The following EPHA4 variants were observed in gnomAD, a reference collection of about 807,000 sequenced individuals.
The protein encoded by EPHA4 is EPH receptor A4.
In EPHA4, 19 loss-of-function variants were observed where a neutral mutation model predicts 108.3. The ratio of observed to expected loss-of-function variants is 0.18; its 90% CI spans 0.12 to 0.26. The LOEUF (loss-of-function observed/expected upper bound fraction) is 0.26. EPHA4 is among the 10% of genes least tolerant of loss of function. The pLI, the probability that EPHA4 is intolerant of heterozygous loss-of-function variation, is 1.00. For missense variants in EPHA4, 917 were observed against 1,254.0 expected (o/e 0.73, Z 4.06); for synonymous variants, 449 against 455.5 (o/e 0.99, Z 0.18).
chr2:221,538,697 A>G (rs775848822), intron 3 of EPHA4, among the ~76,000 whole-genome samples: 6 of 152,190 alleles, frequency 3.9e-5, no homozygotes, highest in Non-Finnish European at 5.9e-5. Context: ...ATTCAGACTC[A>G]ATTACTCTTT....
intron 3 of EPHA4, among the ~76,000 whole-genome samples, chr2:221,535,714 C>T (rs574678478): frequency 1.1e-4 from 16 of 152,156 alleles, no homozygotes; most frequent in African/African-American, 3.9e-4. Context: ...TTCTTCTATG[C>T]CTAAAGTGGT....
At chr2:221,564,659 G>A (rs1018277465) in intron 2 of EPHA4, among the ~76,000 whole-genome samples, 4 of 151,736 alleles carry the variant, frequency 2.6e-5, no homozygotes, top group African/African-American at 9.7e-5. Flanking sequence ...TGAGTTCTCG[G>A]CAGTTCCTTG....
intron 14 of EPHA4, among the ~76,000 whole-genome samples, chr2:221,433,886 A>C (rs779235477): frequency 6.6e-6 from 1 of 152,230 alleles, no homozygotes; most frequent in Non-Finnish European, 1.5e-5. Context: ...TAAAAATACT[A>C]TCCCATATTT....
chr2:221,497,790 T>C (rs566671755), intron 4 of EPHA4, among the ~76,000 whole-genome samples: 1 of 152,256 alleles, frequency 6.6e-6, no homozygotes, highest in Admixed American at 6.5e-5. Flanking sequence ...CTTGAAGTAG[T>C]AAAGTGTAGG....
intron 3 of EPHA4, among the ~76,000 whole-genome samples, chr2:221,531,839 G>A (rs909592107): frequency 6.6e-6 from 1 of 152,004 alleles, no homozygotes; most frequent in Non-Finnish European, 1.5e-5. Context: ...GTTTTTGTGC[G>A]AAGGCCATGA....
chr2:221,430,223 G>A, intron 14 of EPHA4, 72 bp from the exon 15 acceptor site: 1 of 1,468,688 alleles, frequency 6.8e-7, no homozygotes, highest in Middle Eastern at 2.5e-4. Flanking sequence ...CTTCCGACTG[G>A]CATGTTTCTT....
At chr2:221,566,923 AAGG>A (rs1471989277) in intron 2 of EPHA4, among the ~76,000 whole-genome samples, 2 of 58,700 alleles carry the variant, frequency 3.4e-5, no homozygotes, top group Non-Finnish European at 6.2e-5. Context: ...GGAGAAGGAG[AAGG>A]AGAAGGAGAA....
chr2:221,572,224 G>A lies in EPHA4; in HGVS notation c.25C>T (p.Leu9=), dbSNP rs1264445058. The A allele has an allele frequency of 3.1e-6, 5 of 1,614,038 alleles. No homozygotes were observed. The highest frequency in any genetic ancestry group is 1.3e-5 in the African/African-American group (1 of 74,946). Residue 9 remains leucine (L), a synonymous_variant, in exon 1 of 18, where the codon CTA becomes TTA. Coordinates refer to ENST00000281821, the MANE Select transcript of EPHA4 (RefSeq NM_004438.5). Reference sequence around the variant, plus strand: ...CAAATCCCGAAGAGACACGAAAATAGGGCGAAATAGAAAATCCCAGCCATG... The same window carrying A: ...CAAATCCCGAAGAGACACGAAAATAAGGCGAAATAGAAAATCCCAGCCATG... MAGIFYFA[L]FSCLFGICDA... is the part of the protein sequence containing the mutation.
intron 5 of EPHA4, among the ~76,000 whole-genome samples, chr2:221,460,398 A>G (rs1299226854): frequency 6.6e-6 from 1 of 152,230 alleles, no homozygotes; most frequent in African/African-American, 2.4e-5. Flanking sequence ...AGTAGAATAC[A>G]TAGATCTAAT....
At chr2:221,448,682 A>G (rs959762874) in intron 8 of EPHA4, among the ~76,000 whole-genome samples, 25 of 152,210 alleles carry the variant, frequency 1.6e-4, no homozygotes, top group African/African-American at 6.0e-4. Flanking sequence ...AGCCTGAAAC[A>G]TTGTGTCTTA....
At chr2:221,428,623 G>T (rs965528968) in intron 15 of EPHA4, among the ~76,000 whole-genome samples, 28 of 152,302 alleles carry the variant, frequency 1.8e-4, no homozygotes, top group African/African-American at 6.3e-4. Flanking sequence ...TGGAAGAGAA[G>T]TCAGCTAGAT....
intron 3 of EPHA4, among the ~76,000 whole-genome samples, chr2:221,517,387 G>A (rs972523264): frequency 9.2e-5 from 14 of 152,148 alleles, no homozygotes; most frequent in South Asian, 4.1e-4. Context: ...AACTCAGTGA[G>A]GAGTTTAGTT....
At chr2:221,522,420 C>T (rs1348484854) in intron 3 of EPHA4, among the ~76,000 whole-genome samples, 1 of 152,160 alleles carries the variant, frequency 6.6e-6, no homozygotes, top group African/African-American at 2.4e-5. Context: ...CATAAAGGCA[C>T]AATTAATCAA....
intron 3 of EPHA4, among the ~76,000 whole-genome samples, chr2:221,536,932 A>C (rs1167101405): frequency 6.6e-6 from 1 of 152,238 alleles, no homozygotes; most frequent in East Asian, 1.9e-4. Flanking sequence ...ACTGAAAATA[A>C]AGTGCTTAGC....
chr2:221,499,828 C>G (rs1020341096), intron 4 of EPHA4, among the ~76,000 whole-genome samples: 7 of 137,434 alleles, frequency 5.1e-5, no homozygotes, highest in Non-Finnish European at 1.1e-4. Flanking sequence ...TGCGATCTCG[C>G]CTCTCTGCAA....
intron 11 of EPHA4, chr2:221,437,392 T>C: frequency 3.1e-6 from 1 of 320,802 alleles, no homozygotes; most frequent in Non-Finnish European, 5.7e-6. Context: ...CCAGGGAGCA[T>C]ATGAATGGAT....
intron 7 of EPHA4, 147 bp downstream of exon 7, chr2:221,456,466 G>T: frequency 1.5e-6 from 1 of 685,616 alleles, no homozygotes; most frequent in Non-Finnish European, 2.3e-6. Flanking sequence ...ACAGACATTG[G>T]CTAACTTATT....
At position 221,561,493 on chromosome 2, in the gene EPHA4, G is replaced by A. The variant is rs181065622; in HGVS notation, c.823+2238C>T. On this transcript the variant is annotated intron_variant, in intron 3 of 17. Transcript: ENST00000281821. ...GGTTGACACACCTGAAAACACTGAA[G>A]TTTCTCAAAAACGACTCAATCCACC... Among the ~76,000 whole-genome samples, 64 of 152,090 alleles carry A rather than the reference G, an allele frequency of 4.2e-4. 1 individual carries two copies. The highest frequency in any genetic ancestry group is 1.5e-3 in the African/African-American group (63 of 41,516).
At chr2:221,452,645 AT>A (rs1690823478) in intron 8 of EPHA4, among the ~76,000 whole-genome samples, 1 of 151,998 alleles carries the variant, frequency 6.6e-6, no homozygotes, top group South Asian at 2.1e-4. Context: ...TTGACATTTC[AT>A]TTTCTAAAAA....
Sources: allele counts gnomAD v4.1 joint callset (sites outside exome capture counted in the v4.1 genomes callset), GRCh38; gene constraint gnomAD v4.1.1; transcripts MANE v1.5; gene names NCBI Gene and HGNC (gene_info 2026-07-23, HGNC 2026-07-21).